Variants in PARP11 observed in about 807,000 individuals in gnomAD.
PARP11 encodes protein mono-ADP-ribosyltransferase PARP11.
In PARP11, 31 loss-of-function variants were observed where a neutral mutation model predicts 42.9. The ratio of observed to expected loss-of-function variants is 0.72; its 90% CI spans 0.54 to 0.98. The LOEUF (loss-of-function observed/expected upper bound fraction) is 0.98, where lower values mean the gene tolerates loss of function less well. Ranked by LOEUF, PARP11 falls within the 50% of genes least tolerant of loss-of-function variation. The pLI is 0.00. For synonymous variants in PARP11, 137 were observed against 127.3 expected (o/e 1.08, Z -0.51); for missense variants, 365 against 413.1 (o/e 0.88, Z 1.01).
intron 3 of PARP11, among the ~76,000 whole-genome samples, chr12:3,828,350 C>A (rs1329922333): frequency 6.6e-6 from 1 of 151,996 alleles, no homozygotes; most frequent in Non-Finnish European, 1.5e-5. Flanking sequence ...AGTTCAAGAC[C>A]AGCCTTGTCA....
intron 1 of PARP11, among the ~76,000 whole-genome samples, chr12:3,865,693 G>A (rs969662625): frequency 7.2e-5 from 11 of 151,976 alleles, no homozygotes; most frequent in African/African-American, 2.7e-4. Context: ...TGTTAGCACT[G>A]TGTATCTTTC....
At chr12:3,838,295 G>A (rs1947806381) in intron 1 of PARP11, among the ~76,000 whole-genome samples, 1 of 151,760 alleles carries the variant, frequency 6.6e-6, no homozygotes, top group East Asian at 1.9e-4. Context: ...AAAGAAAGGA[G>A]GAACTTTGGA....
At position 3,829,896 on chromosome 12, in the gene PARP11, CAT is replaced by C. The variant is rs758257341; in HGVS notation, c.139_140del (p.Met47ValfsTer12). On this transcript the variant is annotated frameshift_variant, in exon 2 of 8. Coordinates refer to ENST00000228820, the MANE Select transcript of PARP11 (RefSeq NM_020367.6). LOFTEE classifies it high-confidence loss of function. ...ATTAAAGGAAAGGAGGTACCTGAAACATGTGCCACTTCCCACATTCTGCCAAG... is the reference window on the plus strand; with the variant it reads ...ATTAAAGGAAAGGAGGTACCTGAAACGTGCCACTTCCCACATTCTGCCAAG... ...FYLAECGKWH[M>X]FQPDTNSQCS... The C allele has an allele frequency of 3.7e-6, 6 of 1,613,814 alleles. No homozygotes were observed. The highest frequency in any genetic ancestry group is 2.7e-5 in the African/African-American group (2 of 74,926).
At chr12:3,824,045 TAACA>T (rs1439619357) in intron 4 of PARP11, among the ~76,000 whole-genome samples, 1 of 152,232 alleles carries the variant, frequency 6.6e-6, no homozygotes, top group African/African-American at 2.4e-5. Context: ...TTCATGATTT[TAACA>T]GACACCAACC....
At chr12:3,834,493 G>A (rs185330644) in intron 1 of PARP11, among the ~76,000 whole-genome samples, 13 of 152,018 alleles carry the variant, frequency 8.6e-5, no homozygotes, top group Admixed American at 4.6e-4. Flanking sequence ...CATTAGCCAG[G>A]TGTGGTGGCG....
intron 6 of PARP11, among the ~76,000 whole-genome samples, chr12:3,814,608 G>T (rs1373480460): frequency 1.3e-5 from 2 of 152,160 alleles, no homozygotes; most frequent in Non-Finnish European, 1.5e-5. Flanking sequence ...TCAGAAACTA[G>T]AAAATGTTGG....
At chr12:3,824,015 T>C (rs1286836525) in intron 4 of PARP11, among the ~76,000 whole-genome samples, 1 of 152,198 alleles carries the variant, frequency 6.6e-6, no homozygotes, top group Non-Finnish European at 1.5e-5. Flanking sequence ...ACAGAATTTC[T>C]GAGTCAAAGA....
At chr12:3,859,559 TAAAA>T (rs59321607) in intron 1 of PARP11, among the ~76,000 whole-genome samples, 3 of 112,492 alleles carry the variant, frequency 2.7e-5, no homozygotes, top group Non-Finnish European at 5.4e-5. Context: ...GAGACTCTGC[TAAAA>T]AAAAAAAAAA....
At position 3,828,947 on chromosome 12, in the gene PARP11, A is replaced by G. The variant is rs1208752897; in HGVS notation, c.231T>C (p.Phe77=). 6.2e-7 allele frequency: 1 copy of G among 1,614,076 alleles called. No individual in the cohort carries two copies. The highest frequency in any genetic ancestry group is 2.2e-5 in the East Asian group (1 of 44,876). Residue 77 remains phenylalanine (F), a synonymous_variant, in exon 3 of 8, where the codon TTT becomes TTC. Coordinates refer to ENST00000228820, the MANE Select transcript of PARP11 (RefSeq NM_020367.6). ...TCTTGTAGCTGAATTTGGAAGTAGTAAAAGAAATGGAGCCACAAGGGTTTG... is the reference window on the plus strand; with the variant it reads ...TCTTGTAGCTGAATTTGGAAGTAGTGAAAGAAATGGAGCCACAAGGGTTTG... ...FKTNPCGSIS[F]TTSKFSYKID...
chr12:3,850,918 G>C (rs893649934), intron 1 of PARP11, among the ~76,000 whole-genome samples: 2 of 152,140 alleles, frequency 1.3e-5, no homozygotes, highest in African/African-American at 2.4e-5. Flanking sequence ...GTAATGAACA[G>C]AAGTTAATAA....
intron 2 of PARP11, 132 bp downstream of exon 2, chr12:3,829,758 C>T (rs1947598879): frequency 2.2e-6 from 2 of 908,860 alleles, no homozygotes; most frequent in East Asian, 5.0e-5. Context: ...TCTAACTTTT[C>T]TTTTAGTTAA....
chr12:3,826,044 A>C, intron 4 of PARP11, 114 bp downstream of exon 4: 1 of 645,668 alleles, frequency 1.5e-6, no homozygotes, highest in South Asian at 2.2e-5. Context: ...TTTGATATTT[A>C]AAAGATCAAT....
chr12:3,868,629 T>C (rs1250014761), intron 1 of PARP11, among the ~76,000 whole-genome samples: 2 of 152,214 alleles, frequency 1.3e-5, no homozygotes, highest in African/African-American at 4.8e-5. Context: ...GAAAACATCT[T>C]ATTCCTGGCT....
intron 1 of PARP11, among the ~76,000 whole-genome samples, chr12:3,871,130 A>T (rs1948470636): frequency 6.6e-6 from 1 of 152,224 alleles, no homozygotes; most frequent in Admixed American, 6.5e-5. Context: ...AACATAGGGA[A>T]ATGTACTGAT....
rs1947479435 is a variant in PARP11 at position 3,824,717 on chromosome 12, T to C, written c.344+1441A>G. On this transcript the variant is annotated intron_variant, in intron 4 of 7. Transcript: ENST00000228820. The stretch of plus-strand genomic sequence containing the variant: ...GTGTTTGATCCCATCACAGTGTTTC[T>C]TGTCTCCACCAAAGCACAGCAGATA... 1.2e-5 allele frequency: 7 copies of C among 581,562 alleles called. No individual in the cohort carries two copies. The South Asian group carries it at 3.1e-4, about 25-fold the overall frequency. The allele number at this position is 581,562 out of a possible 1,614,324, so 36.0% of individuals were successfully genotyped here. A position where few individuals can be genotyped will look rare whatever the true frequency, so the allele number is the denominator to read the frequency against.
At chr12:3,823,986 G>A (rs539504392) in intron 4 of PARP11, among the ~76,000 whole-genome samples, 4 of 151,166 alleles carry the variant, frequency 2.6e-5, no homozygotes, top group Non-Finnish European at 5.9e-5. Flanking sequence ...TTGTTTATCT[G>A]TAAAATAACA....
Position 3,829,891 on chromosome 12 carries a change from T to G in PARP11, c.146A>C (p.Gln49Pro). The G allele has an allele frequency of 6.2e-7, 1 of 1,613,884 alleles. No homozygotes were observed. Among genetic ancestry groups the G allele is most frequent in the Non-Finnish European group, 8.5e-7 (1 of 1,179,802 alleles). ...LAECGKWHMF[Q>P]PDTNSQCSVS... ...GCTAAATTAAAGGAAAGGAGGTACC[T>G]GAAACATGTGCCACTTCCCACATTC... Residue 49 changes from glutamine (Q) to proline (P), a missense_variant and splice_region_variant, in exon 2 of 8, where the codon CAG becomes CCG. Transcript: ENST00000228820.
intron 1 of PARP11, among the ~76,000 whole-genome samples, chr12:3,848,450 A>T (rs1047134846): frequency 1.5e-4 from 23 of 152,296 alleles, no homozygotes; most frequent in Non-Finnish European, 2.6e-4. Context: ...ATACTTGCAT[A>T]AAAAGACACA....
intron 3 of PARP11, among the ~76,000 whole-genome samples, chr12:3,828,230 C>T (rs1220294297): frequency 5.3e-5 from 8 of 152,172 alleles, no homozygotes; most frequent in Admixed American, 5.2e-4. Context: ...GACTTTCTCA[C>T]TTAACATCTG....
Sources: allele counts gnomAD v4.1 joint callset (sites outside exome capture counted in the v4.1 genomes callset), GRCh38; gene constraint gnomAD v4.1.1; transcripts MANE v1.5; gene names NCBI Gene and HGNC (gene_info 2026-07-23, HGNC 2026-07-21).